SEMA6D: variants seen among roughly 807,000 people sequenced by gnomAD.
SEMA6D encodes semaphorin 6D.
A neutral mutation model predicts 106.6 loss-of-function variants in SEMA6D; 35 were observed. The ratio of observed to expected loss-of-function variants is 0.33; its 90% CI spans 0.25 to 0.44. The LOEUF is 0.44. Among genes scored for constraint, SEMA6D ranks in the 20% least tolerant of loss-of-function variants. The pLI is 1.00. For synonymous variants in SEMA6D, 499 were observed against 487.7 expected (o/e 1.02, Z -0.31); for missense variants, 1,185 against 1,345.9 (o/e 0.88, Z 1.87).
intron 1 of SEMA6D, among the ~76,000 whole-genome samples, chr15:47,275,319 A>C (rs1191204492): frequency 3.3e-5 from 5 of 152,290 alleles, no homozygotes; most frequent in Admixed American, 3.3e-4. Flanking sequence ...ACTAGCAGTC[A>C]CTGTTAGTAT....
intron 1 of SEMA6D, among the ~76,000 whole-genome samples, chr15:47,355,608 T>C (rs1045083329): frequency 2.6e-5 from 4 of 152,220 alleles, no homozygotes; most frequent in African/African-American, 7.2e-5. Context: ...CCTTTTTCTG[T>C]GTCCTGTAAC....
At chr15:47,767,669 G>C (rs1200282550) in intron 17 of SEMA6D, among the ~76,000 whole-genome samples, 1 of 152,260 alleles carries the variant, frequency 6.6e-6, no homozygotes, top group African/African-American at 2.4e-5. Flanking sequence ...CTCTGTACCT[G>C]TTTGGAGCCT....
intron 1 of SEMA6D, among the ~76,000 whole-genome samples, chr15:47,218,023 G>A (rs1401119208): frequency 6.6e-6 from 1 of 151,936 alleles, no homozygotes; most frequent in Admixed American, 6.6e-5. Context: ...TCTTGATTGG[G>A]TCACTGACTT....
chr15:47,233,541 T>C (rs1359591722), intron 1 of SEMA6D, among the ~76,000 whole-genome samples: 1 of 152,088 alleles, frequency 6.6e-6, no homozygotes, highest in African/African-American at 2.4e-5. Flanking sequence ...CTTAATGATA[T>C]TGAGTCTTCC....
intron 4 of SEMA6D, among the ~76,000 whole-genome samples, chr15:47,680,015 T>C (rs2078320663): frequency 6.6e-6 from 1 of 152,100 alleles, no homozygotes; most frequent in South Asian, 2.1e-4. Context: ...TTCCCTTTCA[T>C]AGAATTGCCC....
intron 2 of SEMA6D, among the ~76,000 whole-genome samples, chr15:47,459,596 CA>C (rs1029317024): frequency 1.3e-5 from 2 of 151,870 alleles, no homozygotes; most frequent in African/African-American, 4.8e-5. Context: ...CAGTGGAAAT[CA>C]AAAATTCTGT....
intron 3 of SEMA6D, among the ~76,000 whole-genome samples, chr15:47,534,832 C>G (rs1171203403): frequency 6.6e-6 from 1 of 152,082 alleles, no homozygotes; most frequent in Non-Finnish European, 1.5e-5. Context: ...AGCACTGCCT[C>G]TCCCTGCTAC....
chr15:47,419,035 G>T (rs1274869685), intron 2 of SEMA6D, among the ~76,000 whole-genome samples: 1 of 152,124 alleles, frequency 6.6e-6, no homozygotes, highest in Admixed American at 6.6e-5. Flanking sequence ...ATCCTCTATG[G>T]AATTTAAGCT....
intron 1 of SEMA6D, among the ~76,000 whole-genome samples, chr15:47,316,458 G>A: frequency 6.6e-6 from 1 of 151,938 alleles, no homozygotes; most frequent in East Asian, 1.9e-4. Context: ...TAGTGAGAGG[G>A]GACATCTTGC....
intron 4 of SEMA6D, among the ~76,000 whole-genome samples, chr15:47,685,330 G>C (rs1055811984): frequency 2.0e-5 from 3 of 152,200 alleles, no homozygotes; most frequent in African/African-American, 7.2e-5. Flanking sequence ...CAATCCCAGA[G>C]AGGCAGGAGG....
At position 47,771,665 on chromosome 15, in the gene SEMA6D, T is replaced by C. The variant is rs1302770428; in HGVS notation, c.3102T>C (p.Asn1034=). Reference sequence around the variant, plus strand: ...CCAGACAGAGCAGCTACACCAGTAATGGCACTCTTCCTAGGACGGGACTAA... The same window carrying C: ...CCAGACAGAGCAGCTACACCAGTAACGGCACTCTTCCTAGGACGGGACTAA... ...SLSRQSSYTS[N]GTLPRTGLKR... Residue 1034 remains asparagine, a synonymous_variant, in exon 19 of 19, where the codon AAT becomes AAC. Transcript: ENST00000536845. 5.0e-6 allele frequency: 8 copies of C among 1,613,976 alleles called. No individual in the cohort carries two copies. In the Admixed American group the frequency reaches 1.3e-4, roughly 27 times the overall value.
At chr15:47,757,861 C>T (rs950120585) in intron 1 of SEMA6D, among the ~76,000 whole-genome samples, 1 of 152,152 alleles carries the variant, frequency 6.6e-6, no homozygotes, top group Non-Finnish European at 1.5e-5. Context: ...TAACTTTTCT[C>T]AGAATTTCCT....
intron 2 of SEMA6D, among the ~76,000 whole-genome samples, chr15:47,445,843 G>A (rs887707215): frequency 3.3e-5 from 5 of 151,824 alleles, no homozygotes; most frequent in Admixed American, 2.0e-4. Context: ...GACAAATATC[G>A]CCACTTTCAA....
intron 1 of SEMA6D, among the ~76,000 whole-genome samples, chr15:47,404,129 AG>A (rs2040484019): frequency 6.6e-6 from 1 of 152,204 alleles, no homozygotes. Flanking sequence ...GTATCTCAAA[AG>A]GGATATGGGG....
intron 3 of SEMA6D, among the ~76,000 whole-genome samples, chr15:47,599,680 A>G (rs928107520): frequency 9.9e-5 from 15 of 151,666 alleles, no homozygotes; most frequent in African/African-American, 3.4e-4. Context: ...TCTTTTTTCT[A>G]TTTTCTTGTA....
intron 4 of SEMA6D, among the ~76,000 whole-genome samples, chr15:47,701,895 C>T (rs1411123998): frequency 6.6e-6 from 1 of 152,090 alleles, no homozygotes; most frequent in Non-Finnish European, 1.5e-5. Context: ...GAAGCTGTAC[C>T]CTCTCACCCA....
chr15:47,252,140 A>C (rs1226982879), intron 1 of SEMA6D, among the ~76,000 whole-genome samples: 1 of 151,340 alleles, frequency 6.6e-6, no homozygotes, highest in Non-Finnish European at 1.5e-5. Context: ...GATGGTCTCG[A>C]TCTCCTGACC....
intron 1 of SEMA6D, among the ~76,000 whole-genome samples, chr15:47,317,445 C>A (rs536193639): frequency 6.6e-6 from 1 of 152,056 alleles, no homozygotes; most frequent in Admixed American, 6.6e-5. Flanking sequence ...TTCACTTATC[C>A]TTCTCTAGTG....
At chr15:47,486,390 G>A (rs1258919895) in intron 3 of SEMA6D, among the ~76,000 whole-genome samples, 1 of 152,176 alleles carries the variant, frequency 6.6e-6, no homozygotes, top group African/African-American at 2.4e-5. Flanking sequence ...AGCACTGTAG[G>A]CAAAGGTCTT....
Sources: gnomAD v4.1 joint callset for allele counts (sites outside exome capture counted in the v4.1 genomes callset) on GRCh38, gnomAD v4.1.1 for gene constraint, MANE v1.5 for transcripts, NCBI Gene and HGNC (gene_info 2026-07-23, HGNC 2026-07-21) for gene names.